The following ACP2 variants were observed in gnomAD, a reference collection of about 807,000 sequenced individuals.
ACP2 encodes the protein acid phosphatase 2, lysosomal, also known as lysosomal acid phosphatase.
A neutral mutation model predicts 54.7 loss-of-function variants in ACP2; 35 were observed. The ratio of observed to expected loss-of-function variants is 0.64; its 90% CI spans 0.49 to 0.85. The LOEUF is 0.85. ACP2 is among the 40% of genes least tolerant of loss of function. The pLI is 0.00. For synonymous variants in ACP2, 210 were observed against 224.4 expected (o/e 0.94, Z 0.57); for missense variants, 492 against 565.0 (o/e 0.87, Z 1.31).
At chr11:47,246,564 G>A (rs899599807) in intron 3 of ACP2, among the ~76,000 whole-genome samples, 2 of 151,926 alleles carry the variant, frequency 1.3e-5, no homozygotes, top group African/African-American at 4.8e-5. Flanking sequence ...GACAGAGTGA[G>A]ACCCCTTTAA....
chr11:47,243,973 C>T (rs1953963843), intron 7 of ACP2, among the ~76,000 whole-genome samples: 2 of 151,812 alleles, frequency 1.3e-5, no homozygotes, highest in Non-Finnish European at 2.9e-5. Context: ...CCCATCTCTA[C>T]TAAAAATATA....
chr11:47,248,037 C>A lies in ACP2; in HGVS notation c.210+1G>T. On this transcript the variant is annotated splice_donor_variant, in intron 2 of 10. Transcript: ENST00000672073. LOFTEE classifies it high-confidence loss of function. ...TGAGGAAAGGCTGGCTTCTGACCCA[C>A]CTTGGTTAACTGACCAAACCCCTGG... The A allele has an allele frequency of 6.3e-7, 1 of 1,594,652 alleles. No individual in the cohort carries two copies. Among genetic ancestry groups the A allele is most frequent in the Non-Finnish European group, 8.5e-7 (1 of 1,173,150 alleles).
Position 47,245,778 on chromosome 11 carries a change from C to T in ACP2, c.354G>A (p.Leu118=). ...TCCCGTTGGGAGGGAAGAGTCCAGC[C>T]AGGTTGGCCTCAGCACTCATGAGAG... ...DRTLMSAEAN[L]AGLFPPNGMQ... Residue 118 remains leucine, a synonymous_variant, in exon 4 of 11, where the codon CTG becomes CTA. Transcript: ENST00000672073. The T allele has an allele frequency of 6.2e-7, 1 of 1,611,410 alleles. No individual in the cohort carries two copies.
Position 47,248,123 on chromosome 11 carries a change from T to C in ACP2, c.125A>G (p.His42Arg). ...SLRFVTLLYR[H>R]GDRSPVKTYP... is the part of the protein sequence containing the mutation. ...TGTCTTCACTGGTGAACGGTCTCCA[T>C]GGCGGTACAGCTGAGAGAATAAAAT... Residue 42 changes from histidine to arginine, a missense_variant, in exon 2 of 11, where the codon CAT becomes CGT. His to Arg is a conservative substitution (Grantham distance 29). Coordinates refer to ENST00000672073, the MANE Select transcript of ACP2 (RefSeq NM_001610.4). 1 of 1,606,828 alleles carries C rather than the reference T, an allele frequency of 6.2e-7. No homozygotes were observed. Among genetic ancestry groups the C allele is most frequent in the Admixed American group, 1.7e-5 (1 of 57,654 alleles).
intron 1 of ACP2, chr11:47,248,355 G>C (rs1388595598): frequency 3.8e-6 from 5 of 1,302,714 alleles, no homozygotes; most frequent in Admixed American, 4.2e-5. Context: ...CCAAGGTACA[G>C]GTAGGAAGGG....
At chr11:47,241,448 C>T (rs1416689539) in intron 10 of ACP2, among the ~76,000 whole-genome samples, 2 of 152,110 alleles carry the variant, frequency 1.3e-5, no homozygotes, top group African/African-American at 2.4e-5. Flanking sequence ...ACCCGGGAGG[C>T]GGAGGTTGCA....
intron 6 of ACP2, 85 bp from the exon 7 acceptor site, chr11:47,244,952 CTG>C: frequency 6.7e-7 from 1 of 1,487,798 alleles, no homozygotes; most frequent in Non-Finnish European, 8.9e-7. Context: ...GGGAAGGTGC[CTG>C]TGTGTGTGAG....
chr11:47,245,057 C>T, intron 6 of ACP2, 190 bp from the exon 7 acceptor site: 2 of 1,148,702 alleles, frequency 1.7e-6, no homozygotes, highest in Non-Finnish European at 2.5e-6. Context: ...AGCTCAGGCA[C>T]AAAAAGTGAG....
chr11:47,240,384 G>T, intron 10 of ACP2, 135 bp from the exon 11 acceptor site: 1 of 591,666 alleles, frequency 1.7e-6, no homozygotes, highest in South Asian at 2.2e-5. Flanking sequence ...TTCTAGGAGA[G>T]GGGATGTAAT....
Position 47,243,117 on chromosome 11 carries a change from G to A in ACP2, c.863C>T (p.Thr288Ile). The change falls in exon 9 of 11, where the codon ACT (threonine) becomes ATT (isoleucine). Residue 288 changes from threonine to isoleucine, a missense_variant. Coordinates refer to ENST00000672073, the MANE Select transcript of ACP2 (RefSeq NM_001610.4). ...TGCCATTTGCAGGGCAACCAGGGTA[G>A]TGTCGTGCTGCGGGGGAGAGGGGCT... ...PKLLVYSAHD[T>I]TLVALQMALD... 6.2e-7 allele frequency: 1 copy of A among 1,614,220 alleles called. No homozygotes were observed. The highest frequency in any genetic ancestry group is 8.5e-7 in the Non-Finnish European group (1 of 1,180,026).
At position 47,243,237 on chromosome 11, in the gene ACP2, A is replaced by AC. The variant is rs1953941828; in HGVS notation, c.855+1dup. 1 of 1,614,064 alleles carries AC rather than the reference A, an allele frequency of 6.2e-7. No homozygotes were observed. The highest frequency in any genetic ancestry group is 1.7e-5 in the Admixed American group (1 of 60,010). ...AGCACGCTAGGGAGCGCAGGCACTC[A>AC]CCGCAGAGTAAACCAGCAGCTTGGG... On this transcript the variant is annotated splice_donor_variant, in intron 8 of 10. Coordinates refer to ENST00000672073, the MANE Select transcript of ACP2 (RefSeq NM_001610.4). LOFTEE classifies it high-confidence loss of function.
Position 47,245,463 on chromosome 11 carries a change from C to T in ACP2, c.549+11G>A. 1 of 1,614,220 alleles carries T rather than the reference C, an allele frequency of 6.2e-7. No homozygotes were observed. The highest frequency in any genetic ancestry group is 8.5e-7 in the Non-Finnish European group (1 of 1,180,034). On this transcript the variant is annotated intron_variant, in intron 5 of 10. Coordinates refer to ENST00000672073, the MANE Select transcript of ACP2 (RefSeq NM_001610.4). ...GACAGCGTGGTGAGCTGCACCTCTG[C>T]CCCCACTCACTGCATTCCGAGAACT... is the stretch of plus-strand genomic sequence containing the variant.
rs1157650304 is a variant in ACP2 at position 47,242,849 on chromosome 11, AG to A, written c.1011del (p.Trp338GlyfsTer44). On this transcript the variant is annotated frameshift_variant, in exon 10 of 11. Coordinates refer to ENST00000672073, the MANE Select transcript of ACP2 (RefSeq NM_001610.4). LOFTEE classifies it high-confidence loss of function. ...GGGCAGCCAGGCAGGCTGAGCGGCC[AG>A]GGGGCCTTGTCACTCTCGTTCCGAA... ...MYFRNESDKAPWPLSLPGCPH... is the reference protein window; with the variant it reads ...MYFRNESDKAXWPLSLPGCPH... The A allele has an allele frequency of 6.2e-7, 1 of 1,614,038 alleles. No homozygotes were observed. Among genetic ancestry groups the A allele is most frequent in the Non-Finnish European group, 8.5e-7 (1 of 1,179,898 alleles).
intron 7 of ACP2, among the ~76,000 whole-genome samples, chr11:47,244,510 C>T (rs1423941511): frequency 6.6e-6 from 1 of 152,032 alleles, no homozygotes; most frequent in Non-Finnish European, 1.5e-5. Flanking sequence ...AGGGAAACTC[C>T]ATCCCCCCGA....
chr11:47,242,715 C>G lies in ACP2; in HGVS notation c.1138+8G>C. The G allele has an allele frequency of 3.1e-6, 5 of 1,608,364 alleles. No homozygotes were observed. Among genetic ancestry groups the G allele is most frequent in the Non-Finnish European group, 4.3e-6 (5 of 1,175,912 alleles). On this transcript the variant is annotated splice_region_variant and intron_variant, in intron 10 of 10. Transcript: ENST00000672073. ...GCATGACTAGCAAGGAGGCCGGTGA[C>G]AGCTCACCTGTGTCTGCAGGACCGC...
Position 47,247,638 on chromosome 11 carries a change from T to C in ACP2, c.297+3A>G. 1.2e-6 allele frequency: 2 copies of C among 1,614,188 alleles called. No individual in the cohort carries two copies. Among genetic ancestry groups the C allele is most frequent in the Non-Finnish European group, 1.7e-6 (2 of 1,180,020 alleles). Reference sequence around the variant, plus strand: ...CCCTTGCCTCTGGAGCTCCCAACCTTACCTCTTGCCGGTGATAAGAGGTGT... The same window carrying C: ...CCCTTGCCTCTGGAGCTCCCAACCTCACCTCTTGCCGGTGATAAGAGGTGT... On this transcript the variant is annotated splice_donor_region_variant and intron_variant, in intron 3 of 10. Transcript: ENST00000672073.
chr11:47,248,195 C>T (rs1043402807), intron 1 of ACP2, 62 bp from the exon 2 acceptor site: 1 of 1,461,282 alleles, frequency 6.8e-7, no homozygotes, highest in Non-Finnish European at 9.3e-7. Context: ...GACCCAGAGC[C>T]TACCTTTTGC....
intron 6 of ACP2, 127 bp from the exon 7 acceptor site, chr11:47,244,994 T>G (rs1444149071): frequency 6.9e-7 from 1 of 1,451,752 alleles, no homozygotes; most frequent in Non-Finnish European, 9.1e-7. Context: ...GCAGAGGGGC[T>G]GGAACCAGTA....
intron 1 of ACP2, chr11:47,248,350 G>A: frequency 1.6e-6 from 2 of 1,271,726 alleles, no homozygotes; most frequent in Non-Finnish European, 2.2e-6. Context: ...CAAAGCCAAG[G>A]TACAGGTAGG....
Sources: gnomAD v4.1 joint callset for allele counts (sites outside exome capture counted in the v4.1 genomes callset) on GRCh38, gnomAD v4.1.1 for gene constraint, MANE v1.5 for transcripts, NCBI Gene and HGNC (gene_info 2026-07-23, HGNC 2026-07-21) for gene names.